Variants in SLC18B1 observed in about 807,000 individuals in gnomAD.
The protein encoded by SLC18B1 is solute carrier family 18 member B1, also known as MFS-type transporter SLC18B1.
In SLC18B1, 62 loss-of-function variants were observed where a neutral mutation model predicts 53.9. That is an observed-to-expected ratio of 1.15 (90% confidence interval 0.94 to 1.42). The LOEUF (loss-of-function observed/expected upper bound fraction) is 1.42, where lower values mean the gene tolerates loss of function less well. SLC18B1 is among the 40% of genes most tolerant of loss of function. SLC18B1 has a pLI of 0.00. For synonymous variants in SLC18B1, 217 were observed against 200.9 expected, an observed-to-expected ratio of 1.08 and a Z score of -0.68; for missense variants, 598 against 547.3, an observed-to-expected ratio of 1.09 and a Z score of -0.93.
chr6:132,772,047 G>A (rs543545014), intron 11 of SLC18B1, 85 bp downstream of exon 11: 88 of 910,102 alleles, frequency 9.7e-5, no homozygotes, highest in Admixed American at 1.4e-4. Context: ...AGCCAAGATC[G>A]CACCATTGCA....
chr6:132,794,260 T>C (rs1781617215), intron 2 of SLC18B1, among the ~76,000 whole-genome samples: 2 of 152,000 alleles, frequency 1.3e-5, no homozygotes, highest in South Asian at 2.1e-4. Context: ...CGTGCCACCA[T>C]GCCTGGCTAA....
Position 132,776,406 on chromosome 6 carries a change from C to T in SLC18B1, c.819G>A (p.Val273=). Residue 273 remains valine (V), a synonymous_variant, in exon 8 of 14, where the codon GTG becomes GTA. Coordinates refer to ENST00000275227, the MANE Select transcript of SLC18B1 (RefSeq NM_052831.3). ...LEKFNLPAGY[V]GLVFLGMALS... is the part of the protein sequence containing the mutation. ...GTGCCATACCCAGGAATACTAGTCC[C>T]ACATATCCAGCTGGTAAATTGAACT... 1 of 1,613,324 alleles carries T rather than the reference C, an allele frequency of 6.2e-7. No homozygotes were observed. The highest frequency in any genetic ancestry group is 8.5e-7 in the Non-Finnish European group (1 of 1,179,644).
At chr6:132,770,370 A>G in intron 13 of SLC18B1, 34 bp from the exon 14 acceptor site, 1 of 1,534,070 alleles carries the variant, frequency 6.5e-7, no homozygotes. Flanking sequence ...GAATCTCAAT[A>G]TTTCTCATCT....
At position 132,770,108 on chromosome 6, in the gene SLC18B1, C is replaced by T. The variant is rs1362683319; in HGVS notation, c.*162G>A. 1.1e-5 allele frequency: 6 copies of T among 551,550 alleles called. No individual in the cohort carries two copies. Among genetic ancestry groups the T allele is most frequent in the African/African-American group, 1.9e-5 (1 of 51,444 alleles). The allele number at this position is 551,550 out of a possible 1,614,324, so 34.2% of individuals were successfully genotyped here. ...CAGCTTTTCAGTATCACAGTAAGTA[C>T]AGCCCAATACAGGATCATCCAAAAA... On this transcript the variant is annotated 3_prime_UTR_variant, in exon 14 of 14. Coordinates refer to ENST00000275227, the MANE Select transcript of SLC18B1 (RefSeq NM_052831.3).
chr6:132,796,949 A>G (rs1781707109), intron 2 of SLC18B1, 33 bp downstream of exon 2: 1 of 1,563,968 alleles, frequency 6.4e-7, no homozygotes. Context: ...CAAACAAAAA[A>G]ACAGAGGTCC....
chr6:132,784,711 C>G (rs1019858623), intron 5 of SLC18B1, among the ~76,000 whole-genome samples: 1 of 152,120 alleles, frequency 6.6e-6, no homozygotes, highest in Non-Finnish European at 1.5e-5. Context: ...AATTCCACTT[C>G]TAAGAATTTA....
At chr6:132,788,831 A>G (rs894440431) in intron 4 of SLC18B1, among the ~76,000 whole-genome samples, 14 of 150,576 alleles carry the variant, frequency 9.3e-5, no homozygotes, top group Admixed American at 4.0e-4. Flanking sequence ...TCAAAAAGAA[A>G]AAAAAAAAAA....
chr6:132,780,036 T>C (rs903831131), intron 6 of SLC18B1, among the ~76,000 whole-genome samples: 39 of 151,968 alleles, frequency 2.6e-4, no homozygotes, highest in Admixed American at 2.1e-3. Context: ...GGGACTATTA[T>C]AATTCAAGGT....
chr6:132,773,173 AG>A, intron 9 of SLC18B1, 85 bp from the exon 10 acceptor site: 1 of 895,494 alleles, frequency 1.1e-6, no homozygotes, highest in Non-Finnish European at 1.8e-6. Context: ...TAAGGAAGTG[AG>A]GATCCCTGAT....
intron 5 of SLC18B1, 63 bp from the exon 6 acceptor site, chr6:132,784,152 AT>A: frequency 1.5e-6 from 2 of 1,339,058 alleles, no homozygotes; most frequent in Middle Eastern, 2.0e-4. Context: ...ACATGGTACT[AT>A]CTTTAAAAAA....
intron 5 of SLC18B1, 78 bp downstream of exon 5, chr6:132,787,356 A>G: frequency 7.3e-7 from 1 of 1,369,522 alleles, no homozygotes; most frequent in East Asian, 2.6e-5. Context: ...AGAAGAATGG[A>G]CCCCAGCTTT....
At chr6:132,797,449 A>C (rs888392050) in intron 1 of SLC18B1, among the ~76,000 whole-genome samples, 1 of 152,122 alleles carries the variant, frequency 6.6e-6, no homozygotes, top group Non-Finnish European at 1.5e-5. Context: ...AATACAAAAA[A>C]TTAGCCGGGC....
In SLC18B1 at chr6:132,782,692, A is replaced by C. The variant is rs77274149; in HGVS notation, c.658+1241T>G. Among the ~76,000 whole-genome samples the C allele has an allele frequency of 5.9e-3, 900 of 152,342 alleles. 8 individuals carry two copies. Among genetic ancestry groups the C allele is most frequent in the Admixed American group, 0.01 (157 of 15,298 alleles). On this transcript the variant is annotated intron_variant, in intron 6 of 13. Transcript: ENST00000275227. ...TAAAGAAATGGGTAGAACTTATAAA[A>C]TAAAAAATTCTGCCAATATCAGTAA...
intron 2 of SLC18B1, among the ~76,000 whole-genome samples, chr6:132,792,251 GA>G (rs1205766385): frequency 4.9e-5 from 1 of 20,342 alleles, no homozygotes; most frequent in Non-Finnish European, 9.1e-5. Context: ...AAGAAAGAAA[GA>G]AAGAAAGAAA....
chr6:132,792,224 T>TAAGAAAGAAAGAAAGA (rs1562271190), intron 2 of SLC18B1, among the ~76,000 whole-genome samples: 7 of 42,334 alleles, frequency 1.7e-4, no homozygotes, highest in African/African-American at 7.9e-4. Context: ...CAAGACACTG[T>TAAGAAAGAAAGAAAGA]CAGAAAGAAA....
chr6:132,797,684 T>C lies in SLC18B1; in HGVS notation c.44-563A>G, dbSNP rs568847107. Among the ~76,000 whole-genome samples the C allele has an allele frequency of 4.4e-4, 67 of 152,276 alleles. 1 individual carries two copies. The highest frequency in any genetic ancestry group is 1.6e-3 in the African/African-American group (65 of 41,550). ...AAGGCAGTATTGAAGTCAAATGAAG[T>C]GTAAGTAGGAGAAAACAAGCTAAAT... On this transcript the variant is annotated intron_variant, in intron 1 of 13. Coordinates refer to ENST00000275227, the MANE Select transcript of SLC18B1 (RefSeq NM_052831.3).
chr6:132,798,125 G>C (rs971246300), intron 1 of SLC18B1, among the ~76,000 whole-genome samples: 2 of 152,196 alleles, frequency 1.3e-5, no homozygotes, highest in African/African-American at 2.4e-5. Flanking sequence ...GAAAGGTAAC[G>C]TTTTACATTT....
intron 6 of SLC18B1, among the ~76,000 whole-genome samples, chr6:132,779,972 G>A (rs1282065922): frequency 1.3e-5 from 2 of 152,128 alleles, no homozygotes; most frequent in Non-Finnish European, 2.9e-5. Context: ...CAGTATGGGG[G>A]AAATCACTCC....
Position 132,798,461 on chromosome 6 carries a change from G to T in SLC18B1, c.-5C>A. The T allele has an allele frequency of 1.3e-6, 2 of 1,517,388 alleles. No homozygotes were observed. The highest frequency in any genetic ancestry group is 1.2e-5 in the South Asian group (1 of 81,292). 94.0% of individuals were successfully genotyped at this position (1,517,388 alleles called of 1,614,324 possible). On this transcript the variant is annotated 5_prime_UTR_variant, in exon 1 of 14. Coordinates refer to ENST00000275227, the MANE Select transcript of SLC18B1 (RefSeq NM_052831.3). ...CAGGTCACCCAGCGCCTCCATCCCC[G>T]GTGCGTGGACTCCGGCGCCCCAGCT... is the stretch of plus-strand genomic sequence containing the variant.
Sources: allele counts gnomAD v4.1 joint callset (sites outside exome capture counted in the v4.1 genomes callset), GRCh38; gene constraint gnomAD v4.1.1; transcripts MANE v1.5; gene names NCBI Gene and HGNC (gene_info 2026-07-23, HGNC 2026-07-21).